The following NANOS3 variants were observed in gnomAD, a reference collection of about 807,000 sequenced individuals.
NANOS3 encodes the protein nanos homolog 3.
In NANOS3, 11 loss-of-function variants were observed where a neutral mutation model predicts 13.8. That is an observed-to-expected ratio of 0.80 (90% CI 0.50 to 1.32). NANOS3 has a LOEUF of 1.32. Ranked by LOEUF, NANOS3 falls within the 40% of genes most tolerant of loss-of-function variation. The pLI is 0.00. For synonymous variants in NANOS3, 119 were observed against 115.4 expected (o/e 1.03, Z -0.20); for missense variants, 221 against 263.8 (o/e 0.84, Z 1.12).
upstream of NANOS3, among the ~76,000 whole-genome samples, chr19:13,862,534 T>C (rs1976173954): frequency 1.3e-5 from 2 of 151,946 alleles, no homozygotes; most frequent in Admixed American, 6.6e-5. Context: ...TCTGCCTTTT[T>C]TTTTTCTTTT....
In NANOS3 at chr19:13,877,216, T is replaced by A; in HGVS notation, c.-33T>A. On this transcript the variant is annotated 5_prime_UTR_variant, in exon 1 of 2. Transcript: ENST00000339133. ...AGCCAGGCAGGGTTACTTGTCTCTGTGACTCCTTCCGCCTGGCACATGCTG... is the reference window on the plus strand; with the variant it reads ...AGCCAGGCAGGGTTACTTGTCTCTGAGACTCCTTCCGCCTGGCACATGCTG... 6.4e-7 allele frequency: 1 copy of A among 1,567,504 alleles called. No individual in the cohort carries two copies. Among genetic ancestry groups the A allele is most frequent in the Admixed American group, 1.7e-5 (1 of 57,858 alleles).
intron 1 of NANOS3, among the ~76,000 whole-genome samples, chr19:13,867,008 G>A (rs1420121419): frequency 1.3e-5 from 2 of 152,240 alleles, no homozygotes; most frequent in African/African-American, 4.8e-5. Context: ...GGCTGCCCAG[G>A]TTGGAATGCC....
upstream of NANOS3, among the ~76,000 whole-genome samples, chr19:13,876,732 T>TC (rs1968521299): frequency 1.3e-5 from 2 of 151,934 alleles, no homozygotes; most frequent in East Asian, 1.9e-4. Flanking sequence ...ACCTGGCCAC[T>TC]CCCCCGCCCA....
At chr19:13,874,973 C>T, upstream of NANOS3, 1 of 527,834 alleles carries the variant, frequency 1.9e-6, no homozygotes, top group South Asian at 1.4e-5. Context: ...ATGAATGTCA[C>T]TGTGGCTGGG....
chr19:13,877,827 G>A (rs1292768272), intron 1 of NANOS3, 62 bp downstream of exon 1: 2 of 1,499,558 alleles, frequency 1.3e-6, no homozygotes, highest in African/African-American at 2.8e-5. Context: ...CCCCTGTGAA[G>A]TAAGATTAGC....
Position 13,877,214 on chromosome 19 carries a change from T to C in NANOS3, c.-35T>C, listed in dbSNP as rs370577212. 18 of 1,563,132 alleles carry C rather than the reference T, an allele frequency of 1.2e-5. No individual in the cohort carries two copies. In the African/African-American group the frequency reaches 1.9e-4, roughly 16 times the overall value. The stretch of plus-strand genomic sequence containing the variant: ...TAAGCCAGGCAGGGTTACTTGTCTC[T>C]GTGACTCCTTCCGCCTGGCACATGC... On this transcript the variant is annotated 5_prime_UTR_variant, in exon 1 of 2. Transcript: ENST00000339133.
At chr19:13,863,322 G>C (rs374978699), upstream of NANOS3, among the ~76,000 whole-genome samples, 2 of 152,034 alleles carry the variant, frequency 1.3e-5, no homozygotes, top group East Asian at 3.9e-4. Flanking sequence ...GGATCCTTTT[G>C]CTTCAGCCTC....
chr19:13,865,167 C>G (rs1976212912), upstream of NANOS3, among the ~76,000 whole-genome samples: 1 of 151,160 alleles, frequency 6.6e-6, no homozygotes, highest in Non-Finnish European at 1.5e-5. Context: ...CCGCCCGGCG[C>G]GGCGCGGGGA....
chr19:13,875,146 G>C (rs1968484687), upstream of NANOS3: 1 of 313,866 alleles, frequency 3.2e-6, no homozygotes, highest in Non-Finnish European at 6.5e-6. Context: ...AAATATTAGA[G>C]GGTTGGGGGT....
chr19:13,863,801 A>G (rs1465663997), upstream of NANOS3, among the ~76,000 whole-genome samples: 1 of 152,050 alleles, frequency 6.6e-6, no homozygotes, highest in Admixed American at 6.6e-5. Context: ...TGGACCTGGA[A>G]CCAGACTTTC....
intron 1 of NANOS3, among the ~76,000 whole-genome samples, chr19:13,879,762 T>C (rs1284693135): frequency 6.8e-6 from 1 of 148,062 alleles, no homozygotes; most frequent in Non-Finnish European, 1.5e-5. Context: ...TGGTGGCTCA[T>C]GCCTGTAATC....
At chr19:13,863,516 C>A (rs908923103), upstream of NANOS3, among the ~76,000 whole-genome samples, 4 of 152,148 alleles carry the variant, frequency 2.6e-5, no homozygotes, top group Non-Finnish European at 4.4e-5. Context: ...CTGTGCCCGG[C>A]CCCCCTTGCC....
At chr19:13,866,026 G>C (rs1976233541) in intron 1 of NANOS3, among the ~76,000 whole-genome samples, 1 of 152,112 alleles carries the variant, frequency 6.6e-6, no homozygotes, top group South Asian at 2.1e-4. Flanking sequence ...CCTGGCCGCG[G>C]GCTGGGGGTG....
At chr19:13,879,812 G>T (rs991069358) in intron 1 of NANOS3, among the ~76,000 whole-genome samples, 1 of 151,614 alleles carries the variant, frequency 6.6e-6, no homozygotes, top group Non-Finnish European at 1.5e-5. Flanking sequence ...ATCACCTGAG[G>T]TCAGGAATTC....
chr19:13,880,535 G>A lies in NANOS3; in HGVS notation c.*32G>A, dbSNP rs538730170. 17 of 1,604,230 alleles carry A rather than the reference G, an allele frequency of 1.1e-5. No homozygotes were observed. In the African/African-American group the frequency reaches 1.9e-4, roughly 18 times the overall value. On this transcript the variant is annotated 3_prime_UTR_variant, in exon 2 of 2. Coordinates refer to ENST00000339133, the MANE Select transcript of NANOS3 (RefSeq NM_001098622.3). Reference sequence around the variant, plus strand: ...GCCTACACCTGGGCAAGGGCACCCGGGCTCGGCTGGATTTCCAGGAAGACC... The same window carrying A: ...GCCTACACCTGGGCAAGGGCACCCGAGCTCGGCTGGATTTCCAGGAAGACC...
chr19:13,874,350 A>G (rs1035166474), upstream of NANOS3, among the ~76,000 whole-genome samples: 1 of 152,176 alleles, frequency 6.6e-6, no homozygotes, highest in Non-Finnish European at 1.5e-5. Flanking sequence ...TCCCGGGAAC[A>G]CTTGGAATGC....
chr19:13,880,458 G>T lies in NANOS3; in HGVS notation c.534G>T (p.Gly178=). Residue 178 remains glycine, a synonymous_variant, in exon 2 of 2, where the codon GGG becomes GGT. Transcript: ENST00000339133. ...GGGGAGFRGA[G]KSEPSPSCSP... ...CTCCACTAGGTTTCAGAGGTGCCGG[G>T]AAGTCTGAGCCTTCGCCCTCCTGCT... 6.2e-7 allele frequency: 1 copy of T among 1,614,088 alleles called. No homozygotes were observed. Among genetic ancestry groups the T allele is most frequent in the Non-Finnish European group, 8.5e-7 (1 of 1,179,976 alleles).
upstream of NANOS3, among the ~76,000 whole-genome samples, chr19:13,877,093 C>A (rs1447155845): frequency 6.6e-6 from 1 of 152,150 alleles, no homozygotes; most frequent in East Asian, 1.9e-4. Context: ...CTCTTCACAC[C>A]CCCTTGGAGG....
At chr19:13,864,937 G>A (rs953284071), upstream of NANOS3, among the ~76,000 whole-genome samples, 1 of 152,020 alleles carries the variant, frequency 6.6e-6, no homozygotes, top group Non-Finnish European at 1.5e-5. Context: ...CGTTCCCTAT[G>A]TCTGTGGCCC....
Sources: allele counts gnomAD v4.1 joint callset (sites outside exome capture counted in the v4.1 genomes callset), GRCh38; gene constraint gnomAD v4.1.1; transcripts MANE v1.5; gene names NCBI Gene and HGNC (gene_info 2026-07-23, HGNC 2026-07-21).